SON: variants seen among roughly 807,000 people sequenced by gnomAD.
The protein encoded by SON is SON DNA and RNA binding protein.
Under a neutral mutation model 173.3 loss-of-function variants are expected in SON, and 4 were observed. That is an observed-to-expected ratio of 0.02 (90% confidence interval 0.01 to 0.05). The LOEUF (loss-of-function observed/expected upper bound fraction) is 0.05, where lower values mean the gene tolerates loss of function less well. SON is among the 10% of genes least tolerant of loss of function. The pLI is 1.00. For synonymous variants in SON, 1,190 were observed against 1,105.9 expected, an observed-to-expected ratio of 1.08 and a Z score of -1.51; for missense variants, 2,626 against 3,055.3, an observed-to-expected ratio of 0.86 and a Z score of 3.31.
At chr21:33,547,989 C>G (rs1305294714) in intron 2 of SON, among the ~76,000 whole-genome samples, 1 of 151,952 alleles carries the variant, frequency 6.6e-6, no homozygotes, top group Non-Finnish European at 1.5e-5. Flanking sequence ...TCCCAAAGTG[C>G]TGGGATTACA....
intron 6 of SON, among the ~76,000 whole-genome samples, chr21:33,564,651 A>G (rs1041014960): frequency 1.3e-5 from 2 of 152,184 alleles, no homozygotes; most frequent in African/African-American, 4.8e-5. Flanking sequence ...ACCTGAGGTC[A>G]GGAGTTCAAG....
chr21:33,575,989 A>C (rs2086390384), intron 11 of SON, 96 bp downstream of exon 11: 1 of 624,710 alleles, frequency 1.6e-6, no homozygotes, highest in Non-Finnish European at 2.7e-6. Flanking sequence ...GATTCTGTTC[A>C]TGGGTGGGGG....
At position 33,554,120 on chromosome 21, in the gene SON, T is replaced by TATC; in HGVS notation, c.4890_4892dup (p.Ser1631dup). ...TTAGTTAATAAATATGATGTTGATT[T>TATC]ATCTTTAACTACTCAAGATACTGAA... is the stretch of plus-strand genomic sequence containing the variant. On this transcript the variant is annotated inframe_insertion, in exon 3 of 12. Coordinates refer to ENST00000356577, the MANE Select transcript of SON (RefSeq NM_138927.4). 6.2e-7 allele frequency: 1 copy of TATC among 1,613,988 alleles called. No individual in the cohort carries two copies. The highest frequency in any genetic ancestry group is 8.5e-7 in the Non-Finnish European group (1 of 1,179,838).
chr21:33,546,376 C>T lies in SON; in HGVS notation c.241C>T (p.Pro81Ser). 1 of 1,595,116 alleles carries T rather than the reference C, an allele frequency of 6.3e-7. No homozygotes were observed. Among genetic ancestry groups the T allele is most frequent in the Non-Finnish European group, 8.5e-7 (1 of 1,174,584 alleles). ...GVLDTELRYK[P>S]DLKEGSRKSR... ...CTTAGATACAGAACTACGATATAAG[C>T]CAGGTAAGTTGGAGATAATTAACTG... is the stretch of plus-strand genomic sequence containing the variant. The change falls in exon 2 of 12, where the codon CCA (proline) becomes TCA (serine). Residue 81 changes from proline to serine, a missense_variant. Coordinates refer to ENST00000356577, the MANE Select transcript of SON (RefSeq NM_138927.4).
chr21:33,562,286 T>C (rs539727275), intron 6 of SON, among the ~76,000 whole-genome samples: 1 of 152,336 alleles, frequency 6.6e-6, no homozygotes, highest in African/African-American at 2.4e-5. Flanking sequence ...TTAACCCTTT[T>C]GATTCCTTGT....
intron 7 of SON, chr21:33,567,563 C>T (rs1245936598): frequency 3.0e-6 from 1 of 338,178 alleles, no homozygotes; most frequent in African/African-American, 2.1e-5. Context: ...TAAGTGCCTA[C>T]AACCCTATGA....
chr21:33,560,300 T>G (rs941726992), intron 6 of SON: 2 of 1,387,840 alleles, frequency 1.4e-6, no homozygotes, highest in African/African-American at 2.9e-5. Flanking sequence ...TCAGATAGCC[T>G]TTAATTTTAA....
chr21:33,573,949 G>A lies in SON; in HGVS notation c.7033+494G>A, dbSNP rs543293746. 2.2e-4 allele frequency among the ~76,000 whole-genome samples: 34 copies of A among 152,238 alleles called. No individual in the cohort carries two copies. The South Asian group carries it at 4.4e-3, about 19-fold the overall frequency. ...AGTTAAGTTGGGTTAGAGTATAGTA[G>A]ACCAGCTGCTGACAATAATGTTACT... On this transcript the variant is annotated intron_variant, in intron 9 of 11. Coordinates refer to ENST00000356577, the MANE Select transcript of SON (RefSeq NM_138927.4).
chr21:33,575,437 AAAAGAGAAG>A (rs1429100538), intron 9 of SON, 150 bp from the exon 10 acceptor site: 2 of 504,600 alleles, frequency 4.0e-6, no homozygotes, highest in East Asian at 3.0e-5. Context: ...GAAAAACAGT[AAAAGAGAAG>A]AAAGAGAAGA....
chr21:33,549,529 A>G lies in SON; in HGVS notation c.298A>G (p.Thr100Ala). The change falls in exon 3 of 12, where the codon ACT becomes GCT. Residue 100 changes from threonine (T) to alanine (A), a missense_variant. This residue lies in a region of SON where 757 missense variants were observed against 730.1 expected (regional missense o/e 1.04). Transcript: ENST00000356577. ...SRCVSVQTDP[T>A]DEIPTKKSKK... ...ATGCGTATCTGTACAAACAGATCCT[A>G]CTGATGAAATTCCCACTAAAAAGTC... 6.3e-7 allele frequency: 1 copy of G among 1,578,954 alleles called. No individual in the cohort carries two copies. The highest frequency in any genetic ancestry group is 8.5e-7 in the Non-Finnish European group (1 of 1,169,616).
intron 4 of SON, 165 bp downstream of exon 4, chr21:33,557,481 G>T: frequency 6.5e-7 from 1 of 1,550,272 alleles, no homozygotes; most frequent in Non-Finnish European, 8.7e-7. Flanking sequence ...TGTTTAGCAG[G>T]CCATTATCCG....
chr21:33,554,447 C>T lies in SON; in HGVS notation c.5216C>T (p.Pro1739Leu), dbSNP rs2085908668. The change falls in exon 3 of 12, where the codon CCT becomes CTT. Residue 1739 changes from proline to leucine, a missense_variant. Transcript: ENST00000356577. ...NEADLVRPLL[P>L]KDMERLTSLR... is the part of the protein sequence containing the mutation. ...GCAGATTTAGTGAGACCGTTACTTCCTAAGGACATGGAACGTCTTACAAGC... is the reference window on the plus strand; with the variant it reads ...GCAGATTTAGTGAGACCGTTACTTCTTAAGGACATGGAACGTCTTACAAGC... 6.2e-7 allele frequency: 1 copy of T among 1,614,132 alleles called. No individual in the cohort carries two copies. Among genetic ancestry groups the T allele is most frequent in the Non-Finnish European group, 8.5e-7 (1 of 1,180,014 alleles).
In SON at chr21:33,568,364, T is replaced by C. The variant is rs193101292; in HGVS notation, c.6769-607T>C. The stretch of plus-strand genomic sequence containing the variant: ...AAAATTAGCCGGGCGCGGTGGCGCA[T>C]GTTTGTAATCAATCCCAGCTACTCT... On this transcript the variant is annotated intron_variant, in intron 7 of 11. Transcript: ENST00000356577. Among the ~76,000 whole-genome samples, 8 of 152,212 alleles carry C rather than the reference T, an allele frequency of 5.3e-5. No individual in the cohort carries two copies. In the East Asian group the frequency reaches 1.5e-3, roughly 29 times the overall value.
chr21:33,544,697 G>A (rs370509838), intron 1 of SON, among the ~76,000 whole-genome samples: 77 of 152,274 alleles, frequency 5.1e-4, no homozygotes, highest in African/African-American at 1.8e-3. Context: ...ATATACTGTT[G>A]CATATTTAGG....
intron 4 of SON, chr21:33,558,677 C>T (rs987142324): frequency 1.3e-5 from 2 of 152,170 alleles, no homozygotes; most frequent in Non-Finnish European, 2.9e-5. Context: ...CTTTTTACCA[C>T]CACCTGACTA....
At chr21:33,561,428 A>C (rs1250653281) in intron 6 of SON, among the ~76,000 whole-genome samples, 6 of 152,212 alleles carry the variant, frequency 3.9e-5, no homozygotes, top group Non-Finnish European at 7.4e-5. Flanking sequence ...CAGTTTAAGC[A>C]TTTAAAAAAG....
In SON at chr21:33,559,775, G is replaced by A. The variant is rs2086036508; in HGVS notation, c.6657G>A (p.Glu2219=). 1 of 1,613,412 alleles carries A rather than the reference G, an allele frequency of 6.2e-7. No homozygotes were observed. Among genetic ancestry groups the A allele is most frequent in the Non-Finnish European group, 8.5e-7 (1 of 1,179,804 alleles). The change falls in exon 6 of 12, where the codon GAG becomes GAA. Residue 2219 remains glutamate (E), a splice_region_variant and synonymous_variant. Transcript: ENST00000356577. The surrounding 1 kb of genome is among the most constrained non-coding windows in gnomAD (Gnocchi z 4.1). ...DNVFSSNLPS[E]PVDISTAMSE... ...TTTTCAGCAGCAATTTGCCCTCAGA[G>A]GTAAGTAGGAGGAATATTATGTATT...
At chr21:33,569,860 A>C (rs1450329262) in intron 8 of SON, 5 of 195,976 alleles carry the variant, frequency 2.6e-5, no homozygotes, top group Non-Finnish European at 5.3e-5. Context: ...GAGAACCACT[A>C]ATTTCATGAC....
rs918615094 is a variant in SON at position 33,553,468 on chromosome 21, C to T, written c.4237C>T (p.Leu1413=). Residue 1413 remains leucine, a synonymous_variant, in exon 3 of 12, where the codon CTG becomes TTG. Coordinates refer to ENST00000356577, the MANE Select transcript of SON (RefSeq NM_138927.4). ...VTIPVPVVSA[L]EPSVPVLEPA... Reference sequence around the variant, plus strand: ...CATTCCTGTGCCAGTTGTTTCTGCGCTGGAGCCTTCTGTGCCTGTTCTGGA... The same window carrying T: ...CATTCCTGTGCCAGTTGTTTCTGCGTTGGAGCCTTCTGTGCCTGTTCTGGA... 1 of 1,614,238 alleles carries T rather than the reference C, an allele frequency of 6.2e-7. No individual in the cohort carries two copies. Among genetic ancestry groups the T allele is most frequent in the Non-Finnish European group, 8.5e-7 (1 of 1,180,046 alleles).
Sources: allele counts gnomAD v4.1 joint callset (sites outside exome capture counted in the v4.1 genomes callset), GRCh38; gene constraint gnomAD v4.1.1; regional missense constraint gnomAD v4.1.1; non-coding constraint Gnocchi (gnomAD v3.1); transcripts MANE v1.5; gene names NCBI Gene and HGNC (gene_info 2026-07-23, HGNC 2026-07-21).